The following KYAT3 variants were observed in gnomAD, a reference collection of about 807,000 sequenced individuals.
KYAT3 encodes kynurenine--oxoglutarate transaminase 3.
Under a neutral mutation model 59.0 loss-of-function variants are expected in KYAT3, and 50 were observed. The observed-to-expected ratio is 0.85, with a 90% CI of 0.68 to 1.07. The LOEUF (loss-of-function observed/expected upper bound fraction) is 1.07, where lower values mean the gene tolerates loss of function less well. Among genes scored for constraint, KYAT3 ranks in the 50% least tolerant of loss-of-function variants. The pLI is 0.00. For missense variants in KYAT3, 497 were observed against 533.3 expected, an observed-to-expected ratio of 0.93 and a Z score of 0.67; for synonymous variants, 148 against 177.0, an observed-to-expected ratio of 0.84 and a Z score of 1.30.
chr1:88,928,216 A>T, the KYAT3 span, among the ~76,000 whole-genome samples: 1 of 152,188 alleles, frequency 6.6e-6, no homozygotes, highest in African/African-American at 2.4e-5. Flanking sequence ...ACTCTATTGA[A>T]GGTCAACTAA....
chr1:88,935,532 G>A (rs1473216192), downstream of KYAT3, among the ~76,000 whole-genome samples: 7 of 152,196 alleles, frequency 4.6e-5, no homozygotes, highest in Admixed American at 4.6e-4. Flanking sequence ...TGGCTGAAGT[G>A]CAGTGGAGGT....
At chr1:88,969,252 T>C (rs1026341297) in intron 3 of KYAT3, among the ~76,000 whole-genome samples, 157 bp downstream of exon 3, 4 of 152,224 alleles carry the variant, frequency 2.6e-5, no homozygotes, top group African/African-American at 9.6e-5. Flanking sequence ...CAATTCAGTA[T>C]ATGGATTGCT....
At chr1:88,982,402 CTAG>C in intron 2 of KYAT3, 1 of 861,342 alleles carries the variant, frequency 1.2e-6, no homozygotes, top group Non-Finnish European at 1.6e-6. Context: ...AGTTACAACA[CTAG>C]TACTACAAGG....
downstream of KYAT3, among the ~76,000 whole-genome samples, chr1:88,931,282 C>T (rs1674901972): frequency 6.6e-6 from 1 of 152,070 alleles, no homozygotes; most frequent in African/African-American, 2.4e-5. Flanking sequence ...TATTTCAATC[C>T]CTCTATCTTT....
At chr1:88,951,997 G>A (rs1186112982) in intron 10 of KYAT3, among the ~76,000 whole-genome samples, 1 of 152,154 alleles carries the variant, frequency 6.6e-6, no homozygotes, top group Non-Finnish European at 1.5e-5. Context: ...GAAATGTGTT[G>A]ACGGAAGCAG....
At chr1:88,936,776 TA>T (rs1570766845) in intron 13 of KYAT3, among the ~76,000 whole-genome samples, 2 of 152,260 alleles carry the variant, frequency 1.3e-5, no homozygotes, top group African/African-American at 4.8e-5. Flanking sequence ...ACATATAGCA[TA>T]AAATTAAACA....
chr1:88,971,544 A>T (rs1039507500), intron 2 of KYAT3, among the ~76,000 whole-genome samples: 74 of 152,238 alleles, frequency 4.9e-4, no homozygotes, highest in African/African-American at 1.6e-3. Context: ...TCAATTAAAT[A>T]TTAAGAGGAA....
chr1:88,983,862 G>A, intron 2 of KYAT3: 1 of 1,609,026 alleles, frequency 6.2e-7, no homozygotes, highest in South Asian at 1.1e-5. Flanking sequence ...GGGTGACAGT[G>A]GGTTCAAGCT....
rs369947762 is a variant in KYAT3 at position 88,949,111 on chromosome 1, A to T, written c.1121T>A (p.Ile374Asn). ...CAAACCTAGCAAAGACACATCAGCG[A>T]TGATGAAGTATCCTCCATCAGGAAC... ...PIVPDGGYFI[I>N]ADVSLLDPDL... Residue 374 changes from isoleucine to asparagine, a missense_variant, in exon 11 of 14, where the codon ATC becomes AAC. Coordinates refer to ENST00000260508, the MANE Select transcript of KYAT3 (RefSeq NM_001008661.3). 4.9e-5 allele frequency: 78 copies of T among 1,595,184 alleles called. No homozygotes were observed. Among genetic ancestry groups the T allele is most frequent in the Middle Eastern group, 1.7e-4 (1 of 5,998 alleles).
At chr1:88,961,132 C>A in intron 8 of KYAT3, 35 bp downstream of exon 8, 1 of 1,610,104 alleles carries the variant, frequency 6.2e-7, no homozygotes, top group African/African-American at 1.3e-5. Context: ...TGCCCAAACA[C>A]ATTTAGATAT....
chr1:88,951,779 T>C (rs1283693590), intron 10 of KYAT3, among the ~76,000 whole-genome samples: 2 of 152,154 alleles, frequency 1.3e-5, no homozygotes, highest in Non-Finnish European at 1.5e-5. Flanking sequence ...TAGCAGCCAG[T>C]AGACAGAGTA....
At chr1:88,930,855 A>AGAAAG (rs941065282), downstream of KYAT3, among the ~76,000 whole-genome samples, 3 of 152,194 alleles carry the variant, frequency 2.0e-5, no homozygotes, top group Admixed American at 6.5e-5. Context: ...CAAGGTCATC[A>AGAAAG]GAAAGGAAAG....
chr1:88,977,127 G>A (rs1676819749), intron 2 of KYAT3, among the ~76,000 whole-genome samples: 1 of 152,190 alleles, frequency 6.6e-6, no homozygotes, highest in South Asian at 2.1e-4. Context: ...CGATTCTCCT[G>A]CCTCAGCTTC....
At chr1:88,972,368 G>A (rs551589944) in intron 2 of KYAT3, among the ~76,000 whole-genome samples, 103 of 152,230 alleles carry the variant, frequency 6.8e-4, no homozygotes, top group African/African-American at 2.4e-3. Flanking sequence ...TGGGTACCAG[G>A]GCATAGCCAA....
intron 8 of KYAT3, among the ~76,000 whole-genome samples, chr1:88,958,030 T>C (rs1407425911): frequency 6.6e-6 from 1 of 152,242 alleles, no homozygotes; most frequent in East Asian, 1.9e-4. Flanking sequence ...CTTCCATGTG[T>C]CCAGCTACCA....
At chr1:88,954,058 C>A (rs762964360) in intron 9 of KYAT3, among the ~76,000 whole-genome samples, 1 of 151,992 alleles carries the variant, frequency 6.6e-6, no homozygotes, top group African/African-American at 2.4e-5. Context: ...TGCGCCACCA[C>A]GCCCAGCTAA....
chr1:88,949,106 C>T lies in KYAT3; in HGVS notation c.1126G>A (p.Asp376Asn). 6.3e-7 allele frequency: 1 copy of T among 1,589,702 alleles called. No individual in the cohort carries two copies. Among genetic ancestry groups the T allele is most frequent in the Non-Finnish European group, 8.5e-7 (1 of 1,172,234 alleles). ...CTTTACAAACCTAGCAAAGACACAT[C>T]AGCGATGATGAAGTATCCTCCATCA... The part of the protein sequence containing the change: ...VPDGGYFIIA[D>N]VSLLDPDLSD... Residue 376 changes from aspartate (D) to asparagine (N), a missense_variant, in exon 11 of 14, where the codon GAT becomes AAT. Around this residue, in one of 2 missense-constraint regions of KYAT3, gnomAD observed 469 missense variants for 479.1 expected, o/e 0.98. Coordinates refer to ENST00000260508, the MANE Select transcript of KYAT3 (RefSeq NM_001008661.3).
chr1:88,992,942 G>A (rs1189771336), upstream of KYAT3: 1 of 153,008 alleles, frequency 6.5e-6, no homozygotes, highest in Non-Finnish European at 1.5e-5. Context: ...AAATGGAGGA[G>A]GGAAGGGGTG....
the KYAT3 span, among the ~76,000 whole-genome samples, chr1:88,922,050 T>C: frequency 6.6e-6 from 1 of 152,182 alleles, no homozygotes; most frequent in Non-Finnish European, 1.5e-5. Flanking sequence ...AGCACCTAAA[T>C]TAAGCATGAC....
Sources: gnomAD v4.1 joint callset for allele counts (sites outside exome capture counted in the v4.1 genomes callset) on GRCh38, gnomAD v4.1.1 for gene constraint, gnomAD v4.1.1 regional missense constraint, MANE v1.5 for transcripts, NCBI Gene and HGNC (gene_info 2026-07-23, HGNC 2026-07-21) for gene names.